XKRX: variants seen among roughly 807,000 people sequenced by gnomAD.
XKRX encodes XK-related protein 2.
XKRX carries 11 observed loss-of-function variants against 22.4 expected under a neutral mutation model. The observed-to-expected ratio is 0.49, with a 90% CI of 0.31 to 0.81. XKRX has a LOEUF of 0.81. Ranked by LOEUF, XKRX falls within the 40% of genes least tolerant of loss-of-function variation. The probability of loss-of-function intolerance (pLI) is 0.05; values close to 1 mark genes in which losing one functional copy is unlikely to be tolerated. For missense variants in XKRX, 320 were observed against 336.5 expected (o/e 0.95, Z 0.38); for synonymous variants, 114 against 132.2 (o/e 0.86, Z 0.94).
rs757906522 is a variant in XKRX at position 100,914,333 on chromosome X, T to C, written c.*5A>G. 2.5e-5 allele frequency: 30 copies of C among 1,199,792 alleles called. No individual in the cohort carries two copies. The highest frequency in any genetic ancestry group is 3.1e-5 in the Non-Finnish European group (28 of 889,963). On this transcript the variant is annotated 3_prime_UTR_variant, in exon 3 of 3. Coordinates refer to ENST00000372956, the MANE Select transcript of XKRX (RefSeq NM_212559.3). ...AACTCTTCCTAAAATACCCAGAAAATAGAATCAGACAACACTTTGCCTTGC... is the reference window on the plus strand; with the variant it reads ...AACTCTTCCTAAAATACCCAGAAAACAGAATCAGACAACACTTTGCCTTGC...
rs145111887 is a variant in XKRX at position 100,914,440 on chromosome X, T to C, written c.1248A>G (p.Val416=). 4,213 of 1,210,463 alleles carry C rather than the reference T, an allele frequency of 3.5e-3. 10 individuals carry two copies. Among genetic ancestry groups the C allele is most frequent in the Middle Eastern group, 0.011 (48 of 4,355 alleles). Residue 416 remains valine (V), a synonymous_variant, in exon 3 of 3, where the codon GTA becomes GTG. Transcript: ENST00000372956. Reference sequence around the variant, plus strand: ...AGCAGACACAATGGAGGTAGTCTACTACATTATGGGTGAAGAGTGAGCGCA... The same window carrying C: ...AGCAGACACAATGGAGGTAGTCTACCACATTATGGGTGAAGAGTGAGCGCA... The part of the protein sequence containing the change: ...HPLRSLFTHN[V]VDYLHCVCCH...
chrX:100,914,849 A>C lies in XKRX; in HGVS notation c.839T>G (p.Ile280Ser). 8.3e-7 allele frequency: 1 copy of C among 1,211,679 alleles called. No individual in the cohort carries two copies. ...GAACTTAATCCAGGGCTCAAAGAGG[A>C]TGATCAGGAAGTTGAGCACTAGGAA... ...VPFLVLNFLI[I>S]LFEPWIKFWR... Residue 280 changes from isoleucine (I) to serine (S), a missense_variant, in exon 3 of 3, where the codon ATC becomes AGC. By Grantham distance (142) the Ile-to-Ser change is moderately radical (BLOSUM62 -2). Coordinates refer to ENST00000372956, the MANE Select transcript of XKRX (RefSeq NM_212559.3).
chrX:100,937,866 T>G, the XKRX span, among the ~76,000 whole-genome samples: 1 of 111,626 alleles, frequency 9.0e-6, no homozygotes, highest in Non-Finnish European at 1.9e-5. Flanking sequence ...AATCTTATGG[T>G]CAAGAAAAGG....
intron 2 of XKRX, among the ~76,000 whole-genome samples, chrX:100,919,977 C>T (rs2085463885): frequency 9.0e-6 from 1 of 111,530 alleles, no homozygotes; most frequent in African/African-American, 3.3e-5. Flanking sequence ...TAGGAAACAA[C>T]TTTTTTGTGA....
chrX:100,949,605 T>C, the XKRX span, among the ~76,000 whole-genome samples: 2 of 110,584 alleles, frequency 1.8e-5, no homozygotes, highest in African/African-American at 6.6e-5. Context: ...TGACCTCAGG[T>C]GATCTGCCCA....
chrX:100,928,980 T>A (rs2085510840), upstream of XKRX: 1 of 315,202 alleles, frequency 3.2e-6, no homozygotes, highest in Non-Finnish European at 4.2e-6. Context: ...CAAGACCGCC[T>A]GGCCCGGGAG....
downstream of XKRX, chrX:100,911,591 C>T (rs765805197): frequency 4.7e-5 from 22 of 470,728 alleles, no homozygotes; most frequent in Non-Finnish European, 7.6e-5. Context: ...TATATGTCTG[C>T]AATCATCAAG....
the XKRX span, among the ~76,000 whole-genome samples, chrX:100,952,412 A>C: frequency 9.1e-6 from 1 of 110,450 alleles, no homozygotes; most frequent in African/African-American, 3.3e-5. Flanking sequence ...AAAAAAAAAA[A>C]GTTGAAAGAC....
At chrX:100,905,609 AC>A in the XKRX span, among the ~76,000 whole-genome samples, 1 of 110,761 alleles carries the variant, frequency 9.0e-6, no homozygotes, top group East Asian at 2.8e-4. Flanking sequence ...ATTTTCCTCT[AC>A]CCCCCCATAT....
At chrX:100,887,753 CAA>C in the XKRX span, 1 of 789,599 alleles carries the variant, frequency 1.3e-6, no homozygotes, top group Non-Finnish European at 1.9e-6. Flanking sequence ...GCTTCTGCCC[CAA>C]AGTTTCCTCC....
chrX:100,935,672 G>A, the XKRX span, among the ~76,000 whole-genome samples: 3 of 112,051 alleles, frequency 2.7e-5, no homozygotes, highest in African/African-American at 9.7e-5. Flanking sequence ...TCTTCCTTCC[G>A]AAACTTCTTC....
At chrX:100,956,070 G>C in the XKRX span, among the ~76,000 whole-genome samples, 5 of 111,043 alleles carry the variant, frequency 4.5e-5, no homozygotes, top group African/African-American at 1.3e-4. Context: ...CATGGATGGA[G>C]TTGGAAGGCA....
the XKRX span, among the ~76,000 whole-genome samples, chrX:100,946,041 C>T: frequency 5.6e-5 from 6 of 107,616 alleles, 1 homozygote; most frequent in Admixed American, 6.0e-4. Context: ...AAAAAATTAG[C>T]TGGGCATGGT....
the XKRX span, among the ~76,000 whole-genome samples, chrX:100,904,663 C>T: frequency 8.9e-6 from 1 of 112,058 alleles, no homozygotes; most frequent in Non-Finnish European, 1.9e-5. Flanking sequence ...CTGTTTAATC[C>T]TACTCTCCTG....
chrX:100,919,636 C>A (rs1331438766), intron 2 of XKRX, among the ~76,000 whole-genome samples: 2 of 111,510 alleles, frequency 1.8e-5, no homozygotes, highest in East Asian at 2.8e-4. Flanking sequence ...ACACAATGAC[C>A]AAACACAAAA....
chrX:100,900,253 G>A, the XKRX span, among the ~76,000 whole-genome samples: 2 of 110,198 alleles, frequency 1.8e-5, no homozygotes, highest in African/African-American at 3.3e-5. Flanking sequence ...AGAGATGGGG[G>A]TCTCACTATG....
At chrX:100,958,491 A>G in the XKRX span, among the ~76,000 whole-genome samples, 1 of 111,949 alleles carries the variant, frequency 8.9e-6, no homozygotes, top group African/African-American at 3.2e-5. Context: ...TATATGCTAC[A>G]TTTGTATTTG....
the XKRX span, among the ~76,000 whole-genome samples, chrX:100,902,960 A>G: frequency 9.2e-6 from 1 of 109,222 alleles, no homozygotes; most frequent in East Asian, 2.9e-4. Context: ...TGTGTTAGCC[A>G]GGATGGTCTC....
downstream of XKRX, chrX:100,910,609 A>T: frequency 4.0e-6 from 1 of 247,647 alleles, no homozygotes; most frequent in Non-Finnish European, 7.0e-6. Context: ...AAAAGATTTC[A>T]GAGAGGACTG....
Sources: allele counts gnomAD v4.1 joint callset (sites outside exome capture counted in the v4.1 genomes callset), GRCh38; gene constraint gnomAD v4.1.1; transcripts MANE v1.5; gene names NCBI Gene and HGNC (gene_info 2026-07-23, HGNC 2026-07-21).